CIITA: variants seen among roughly 807,000 people sequenced by gnomAD.
CIITA encodes the protein MHC class II transactivator.
CIITA carries 72 observed loss-of-function variants against 115.1 expected under a neutral mutation model. That is an observed-to-expected ratio of 0.63 (90% CI 0.52 to 0.76). CIITA has a LOEUF of 0.76. Among genes scored for constraint, CIITA ranks in the 30% least tolerant of loss-of-function variants. The probability of loss-of-function intolerance (pLI) is 0.00; values close to 1 mark genes in which losing one functional copy is unlikely to be tolerated. For synonymous variants in CIITA, 763 were observed against 635.6 expected, an observed-to-expected ratio of 1.20 and a Z score of -3.02; for missense variants, 1,617 against 1,463.8, an observed-to-expected ratio of 1.10 and a Z score of -1.71.
At position 10,902,214 on chromosome 16, in the gene CIITA, T is replaced by A. The variant is rs751192162; in HGVS notation, c.628+30T>A. On this transcript the variant is annotated intron_variant, in intron 7 of 19. Coordinates refer to ENST00000324288, the MANE Select transcript of CIITA (RefSeq NM_000246.4). ...GTTAGGGGGCTTGGAGAGAGTGGGC[T>A]TTCTCCCTCTTGGGAGGTGGATAAG... 5 of 1,613,444 alleles carry A rather than the reference T, an allele frequency of 3.1e-6. No homozygotes were observed. In the East Asian group the frequency reaches 1.1e-4, roughly 36 times the overall value.
rs891552498 is a variant in CIITA at position 10,929,666 on chromosome 16, G to A, written c.*5811G>A. 1.0e-4 allele frequency: 65 copies of A among 638,676 alleles called. No individual in the cohort carries two copies. The highest frequency in any genetic ancestry group is 1.1e-4 in the Non-Finnish European group (55 of 513,314). 39.6% of individuals were successfully genotyped at this position (638,676 alleles called of 1,614,324 possible). A position where few individuals can be genotyped will look rare whatever the true frequency, so the allele number is the denominator to read the frequency against. ...CCAGGCTCGGGAGGCTTGGGGTGGGGCAGGGAAGTCTTCCTCCATCCCTCA... is the reference window on the plus strand; with the variant it reads ...CCAGGCTCGGGAGGCTTGGGGTGGGACAGGGAAGTCTTCCTCCATCCCTCA... On this transcript the variant is annotated 3_prime_UTR_variant, in exon 20 of 20. Coordinates refer to ENST00000324288, the MANE Select transcript of CIITA (RefSeq NM_000246.4). The surrounding 1 kb of genome is among the most constrained non-coding windows in gnomAD (Gnocchi z 4.3).
chr16:10,866,786 A>T (rs2035097665), intron 1 of CIITA, among the ~76,000 whole-genome samples: 1 of 152,128 alleles, frequency 6.6e-6, no homozygotes, highest in Non-Finnish European at 1.5e-5. Context: ...GCTGGAAGGA[A>T]CCATCCCAGG....
At position 10,907,443 on chromosome 16, in the gene CIITA, G is replaced by T; in HGVS notation, c.1951G>T (p.Asp651Tyr). 1 of 1,612,868 alleles carries T rather than the reference G, an allele frequency of 6.2e-7. No individual in the cohort carries two copies. The highest frequency in any genetic ancestry group is 8.5e-7 in the Non-Finnish European group (1 of 1,179,792). ...CGGCCTGCTGGGCCGTGCAGCCCTC[G>T]ACAGCCCCCCCGGGGCCCTGGCAGA... ...YVGLLGRAAL[D>Y]SPPGALAELA... Residue 651 changes from aspartate (D) to tyrosine (Y), a missense_variant, in exon 11 of 20, where the codon GAC becomes TAC. Asp to Tyr is a radical substitution (Grantham distance 160). Transcript: ENST00000324288. The surrounding 1 kb of genome is among the most constrained non-coding windows in gnomAD (Gnocchi z 5.0).
intron 1 of CIITA, among the ~76,000 whole-genome samples, chr16:10,890,516 G>T (rs72770025): frequency 6.6e-6 from 1 of 152,254 alleles, no homozygotes; most frequent in Admixed American, 6.5e-5. Context: ...CAAACTCCTG[G>T]ACTGAGGTGA....
chr16:10,887,630 G>C (rs1209868062), intron 1 of CIITA, among the ~76,000 whole-genome samples: 1 of 152,012 alleles, frequency 6.6e-6, no homozygotes, highest in Non-Finnish European at 1.5e-5. Flanking sequence ...CAAGTAGCTG[G>C]GATTATAGGC....
At chr16:10,869,134 C>A (rs971857111) in intron 1 of CIITA, among the ~76,000 whole-genome samples, 1 of 152,206 alleles carries the variant, frequency 6.6e-6, no homozygotes. Flanking sequence ...CTATAATGAC[C>A]TTGGCCCTCT....
intron 8 of CIITA, 144 bp from the exon 9 acceptor site, chr16:10,903,587 C>A: frequency 3.3e-6 from 3 of 896,448 alleles, no homozygotes; most frequent in African/African-American, 1.7e-5. Flanking sequence ...CAGCTCTGTC[C>A]TGAAATATCT....
intron 1 of CIITA, among the ~76,000 whole-genome samples, chr16:10,894,252 AT>A (rs34287583): frequency 2.0e-5 from 3 of 151,432 alleles, no homozygotes; most frequent in Admixed American, 1.3e-4. Context: ...TTCACTTAGC[AT>A]TTTTTTTAAG....
Position 10,901,644 on chromosome 16 carries a change from A to T in CIITA, c.481+86A>T, listed in dbSNP as rs1227627234. 3 of 1,397,292 alleles carry T rather than the reference A, an allele frequency of 2.1e-6. No individual in the cohort carries two copies. Among genetic ancestry groups the T allele is most frequent in the Non-Finnish European group, 3.0e-6 (3 of 1,001,598 alleles). 86.6% of individuals were successfully genotyped at this position (1,397,292 alleles called of 1,614,324 possible). ...AGATTGAACTCCTGGCCCAAGTCTG[A>T]TGGGGATGGTGCATGGTGCAGCCCC... On this transcript the variant is annotated intron_variant, in intron 6 of 19. Coordinates refer to ENST00000324288, the MANE Select transcript of CIITA (RefSeq NM_000246.4). This position sits in a 1 kb window ranked among gnomAD's most constrained non-coding sequence, Gnocchi z 6.8.
chr16:10,901,828 C>A lies in CIITA; in HGVS notation c.482-210C>A. The A allele has an allele frequency of 2.6e-6, 2 of 765,768 alleles. No homozygotes were observed. Among genetic ancestry groups the A allele is most frequent in the Non-Finnish European group, 4.4e-6 (2 of 457,804 alleles). The allele number at this position is 765,768 out of a possible 1,614,324, so 47.4% of individuals were successfully genotyped here. ...CGTGTGGAGGCCCTAGGGTCCTGCT[C>A]AGCATAGCTCTCAGAGCCAAGTCAC... On this transcript the variant is annotated intron_variant, in intron 6 of 19. Coordinates refer to ENST00000324288, the MANE Select transcript of CIITA (RefSeq NM_000246.4). The surrounding 1 kb of genome is among the most constrained non-coding windows in gnomAD (Gnocchi z 6.8).
At position 10,909,122 on chromosome 16, in the gene CIITA, C is replaced by T. The variant is rs771046803; in HGVS notation, c.2751C>T (p.Ile917=). The part of the protein sequence containing the change: ...LLQAAEEKFT[I]EPFKAKSLKD... ...AGGCAGCAGAGGAGAAGTTCACCAT[C>T]GAGCCTTTCAAAGCCAAGTCCCTGA... is the stretch of plus-strand genomic sequence containing the variant. The change falls in exon 12 of 20, where the codon ATC becomes ATT. Residue 917 remains isoleucine (I), a synonymous_variant. Transcript: ENST00000324288. The T allele has an allele frequency of 8.7e-6, 14 of 1,614,102 alleles. No individual in the cohort carries two copies. The highest frequency in any genetic ancestry group is 1.6e-4 in the Middle Eastern group (1 of 6,084).
At position 10,902,729 on chromosome 16, in the gene CIITA, TC is replaced by T; in HGVS notation, c.702del (p.Thr235LeufsTer71). On this transcript the variant is annotated frameshift_variant, in exon 8 of 20. Coordinates refer to ENST00000324288, the MANE Select transcript of CIITA (RefSeq NM_000246.4). LOFTEE classifies it high-confidence loss of function. ...EGPIQFVPTISTLPHGLWQIS... is the reference protein window; with the variant it reads ...EGPIQFVPTIXTLPHGLWQIS... The stretch of plus-strand genomic sequence containing the variant: ...ACCCATCCAGTTTGTCCCCACCATC[TC>T]CACTCTGCCCCATGGGCTCTGGCAA... 6.2e-7 allele frequency: 1 copy of T among 1,614,200 alleles called. No individual in the cohort carries two copies. Among genetic ancestry groups the T allele is most frequent in the Non-Finnish European group, 8.5e-7 (1 of 1,180,022 alleles).
chr16:10,908,961 A>G, intron 11 of CIITA, 68 bp from the exon 12 acceptor site: 12 of 1,611,382 alleles, frequency 7.4e-6, no homozygotes, highest in African/African-American at 1.3e-5. Flanking sequence ...AGGACCCTTC[A>G]TGGAGCTGCC....
intron 1 of CIITA, among the ~76,000 whole-genome samples, chr16:10,891,068 A>G (rs932225948): frequency 2.0e-5 from 3 of 152,152 alleles, no homozygotes; most frequent in South Asian, 2.1e-4. Context: ...ACCACACAGC[A>G]GTGTCATCCA....
intron 1 of CIITA, among the ~76,000 whole-genome samples, chr16:10,880,361 C>T (rs1416037113): frequency 6.6e-6 from 1 of 152,180 alleles, no homozygotes; most frequent in African/African-American, 2.4e-5. Flanking sequence ...CTCCAATGTT[C>T]GTTTGTGGGG....
intron 1 of CIITA, among the ~76,000 whole-genome samples, chr16:10,892,691 G>C (rs888689467): frequency 2.0e-4 from 31 of 152,306 alleles, no homozygotes; most frequent in African/African-American, 6.3e-4. Flanking sequence ...CCAGCACTTT[G>C]GGAAGCTGAG....
chr16:10,887,557 G>C (rs1361496740), intron 1 of CIITA, among the ~76,000 whole-genome samples: 5 of 151,436 alleles, frequency 3.3e-5, no homozygotes, highest in Non-Finnish European at 5.9e-5. Context: ...GTGCAGTGGC[G>C]TGATCTCGGC....
chr16:10,902,813 G>T lies in CIITA; in HGVS notation c.772+12G>T. 4.3e-6 allele frequency: 7 copies of T among 1,613,968 alleles called. No individual in the cohort carries two copies. The highest frequency in any genetic ancestry group is 5.1e-6 in the Non-Finnish European group (6 of 1,179,988). The stretch of plus-strand genomic sequence containing the variant: ...ATTCATCTACCATGGTGAGTGCGGG[G>T]CCTGGCTCCCCGACCACCTCTCCCT... On this transcript the variant is annotated intron_variant, in intron 8 of 19. Transcript: ENST00000324288.
rs1483061889 is a variant in CIITA at position 10,928,658 on chromosome 16, T to C, written c.*4803T>C. 6.6e-6 allele frequency: 1 copy of C among 152,310 alleles called. No homozygotes were observed. The highest frequency in any genetic ancestry group is 1.5e-5 in the Non-Finnish European group (1 of 68,110). 9.4% of individuals were successfully genotyped at this position (152,310 alleles called of 1,614,324 possible). On this transcript the variant is annotated 3_prime_UTR_variant, in exon 20 of 20. Transcript: ENST00000324288. ...CAGGGGATACCCACCCCCACTTCTA[T>C]GGGATTCAGGCCTGGTTTCCAGCTT... is the stretch of plus-strand genomic sequence containing the variant.
Sources: gnomAD v4.1 joint callset for allele counts (sites outside exome capture counted in the v4.1 genomes callset) on GRCh38, gnomAD v4.1.1 for gene constraint, Gnocchi (gnomAD v3.1) non-coding constraint, MANE v1.5 for transcripts, NCBI Gene and HGNC (gene_info 2026-07-23, HGNC 2026-07-21) for gene names.